TRHDE: variants seen among roughly 807,000 people sequenced by gnomAD.
TRHDE encodes the protein thyrotropin-releasing hormone-degrading ectoenzyme.
Under a neutral mutation model 125.7 loss-of-function variants are expected in TRHDE, and 72 were observed. That is an observed-to-expected ratio of 0.57 (90% confidence interval 0.47 to 0.70). The LOEUF is 0.70. Among genes scored for constraint, TRHDE ranks in the 30% least tolerant of loss-of-function variants. The pLI is 0.00. For missense variants in TRHDE, 1,110 were observed against 1,327.1 expected (o/e 0.84, Z 2.54); for synonymous variants, 509 against 509.1 (o/e 1.00, Z 0.00).
chr12:72,484,719 C>G (rs1170331328), intron 5 of TRHDE, among the ~76,000 whole-genome samples: 1 of 152,112 alleles, frequency 6.6e-6, no homozygotes, highest in African/African-American at 2.4e-5. Context: ...ATGTATGAAA[C>G]TATGTTGGAT....
chr12:72,214,016 A>G lies in TRHDE; in HGVS notation n.279+108264A>G, dbSNP rs1411829602. ...TCGTTGGTCAGTGCTACATAATTAG[A>G]TATTTATATTTTTAGGAAAGTTAAA... On this transcript the variant is annotated intron_variant and non_coding_transcript_variant, in intron 2 of 4. Transcript: ENST00000548156. Among the ~76,000 whole-genome samples, 3 of 152,144 alleles carry G rather than the reference A, an allele frequency of 2.0e-5. No homozygotes were observed. The East Asian group carries it at 5.8e-4, about 29-fold the overall frequency.
At chr12:72,354,610 T>C (rs1870729045) in intron 2 of TRHDE, among the ~76,000 whole-genome samples, 1 of 150,994 alleles carries the variant, frequency 6.6e-6, no homozygotes, top group Non-Finnish European at 1.5e-5. Context: ...TAGTGCCTGA[T>C]GCCCTTTTCC....
At chr12:72,387,399 G>A (rs1020355971) in intron 3 of TRHDE, among the ~76,000 whole-genome samples, 11 of 151,324 alleles carry the variant, frequency 7.3e-5, no homozygotes, top group Admixed American at 5.3e-4. Flanking sequence ...GCTAGTATTC[G>A]CATTCCAACC....
chr12:72,131,605 C>T (rs1875868312), intron 2 of TRHDE, among the ~76,000 whole-genome samples: 1 of 151,784 alleles, frequency 6.6e-6, no homozygotes, highest in Admixed American at 6.6e-5. Context: ...GGATTGTTTT[C>T]AGTTGTGCTA....
At chr12:72,501,338 C>T (rs1332117813) in intron 6 of TRHDE, among the ~76,000 whole-genome samples, 1 of 151,980 alleles carries the variant, frequency 6.6e-6, no homozygotes, top group Non-Finnish European at 1.5e-5. Flanking sequence ...TTTATAAATG[C>T]CTTTTATCAG....
At chr12:72,455,811 G>C (rs976066139) in intron 3 of TRHDE, among the ~76,000 whole-genome samples, 1 of 151,850 alleles carries the variant, frequency 6.6e-6, no homozygotes, top group South Asian at 2.1e-4. Context: ...TATTAAATTG[G>C]ACCTCTTGGG....
chr12:72,519,698 C>T (rs1879080111), intron 6 of TRHDE, among the ~76,000 whole-genome samples: 1 of 152,198 alleles, frequency 6.6e-6, no homozygotes. Flanking sequence ...GAACTGCGTT[C>T]CTTTGGAGGA....
At chr12:72,408,954 G>T (rs1310017441) in intron 3 of TRHDE, among the ~76,000 whole-genome samples, 3 of 152,282 alleles carry the variant, frequency 2.0e-5, no homozygotes, top group East Asian at 1.9e-4. Flanking sequence ...AGGATAGAAA[G>T]AATAGAGAGG....
intron 2 of TRHDE, among the ~76,000 whole-genome samples, chr12:72,374,468 A>AC (rs1443453669): frequency 6.6e-6 from 1 of 152,090 alleles, no homozygotes; most frequent in African/African-American, 2.4e-5. Flanking sequence ...CATCTACATG[A>AC]CATTTATGGC....
At chr12:72,407,408 A>G (rs1478506802) in intron 3 of TRHDE, among the ~76,000 whole-genome samples, 2 of 152,204 alleles carry the variant, frequency 1.3e-5, no homozygotes, top group Non-Finnish European at 2.9e-5. Flanking sequence ...TCACAGCAAG[A>G]GACGTGGAGC....
At chr12:72,131,894 G>A (rs746996300) in intron 2 of TRHDE, among the ~76,000 whole-genome samples, 4 of 152,198 alleles carry the variant, frequency 2.6e-5, no homozygotes, top group African/African-American at 4.8e-5. Flanking sequence ...CCTACAAGGA[G>A]GCAAGGCAAG....
chr12:72,175,549 A>G (rs1876968194), intron 2 of TRHDE, among the ~76,000 whole-genome samples: 1 of 152,198 alleles, frequency 6.6e-6, no homozygotes, highest in Non-Finnish European at 1.5e-5. Context: ...TCTACTCCTG[A>G]GTCCCGGCTG....
chr12:72,416,615 G>T (rs1401475319), intron 3 of TRHDE, among the ~76,000 whole-genome samples: 1 of 152,030 alleles, frequency 6.6e-6, no homozygotes, highest in Non-Finnish European at 1.5e-5. Flanking sequence ...AGGTTTTCCA[G>T]CACCATTTAT....
At chr12:72,635,522 C>T (rs1274758485) in intron 15 of TRHDE, among the ~76,000 whole-genome samples, 1 of 152,156 alleles carries the variant, frequency 6.6e-6, no homozygotes. Flanking sequence ...TCCCATTTGT[C>T]AATTGTGGCT....
intron 18 of TRHDE, among the ~76,000 whole-genome samples, chr12:72,661,945 GA>G (rs754874327): frequency 9.9e-5 from 15 of 152,156 alleles, no homozygotes; most frequent in Admixed American, 2.6e-4. Flanking sequence ...TAGGAAAGCA[GA>G]GTAAAAACTC....
chr12:72,319,530 G>A (rs1232927009), intron 2 of TRHDE, among the ~76,000 whole-genome samples: 1 of 152,130 alleles, frequency 6.6e-6, no homozygotes, highest in Admixed American at 6.6e-5. Context: ...CCTCAAAGGT[G>A]TGCTTTTCTA....
In TRHDE at chr12:72,294,519, C is replaced by T. The variant is rs566585957; in HGVS notation, c.1188+7565C>T. Among the ~76,000 whole-genome samples the T allele has an allele frequency of 2.0e-5, 3 of 152,198 alleles. No homozygotes were observed. The East Asian group carries it at 5.8e-4, about 30-fold the overall frequency. On this transcript the variant is annotated intron_variant, in intron 2 of 18. Transcript: ENST00000261180. Reference sequence around the variant, plus strand: ...GCAGAGGAGGACCTAGAGTGTGTTGCTCCTCTCTGCATCCAGTCGTCTGGA... The same window carrying T: ...GCAGAGGAGGACCTAGAGTGTGTTGTTCCTCTCTGCATCCAGTCGTCTGGA...
At chr12:72,323,390 A>G (rs967594310) in intron 2 of TRHDE, among the ~76,000 whole-genome samples, 3 of 152,152 alleles carry the variant, frequency 2.0e-5, no homozygotes, top group African/African-American at 7.2e-5. Context: ...TTCCAACAGA[A>G]TACACTTTAG....
At chr12:72,475,799 G>A (rs1207677387) in intron 5 of TRHDE, among the ~76,000 whole-genome samples, 1 of 152,054 alleles carries the variant, frequency 6.6e-6, no homozygotes, top group Non-Finnish European at 1.5e-5. Flanking sequence ...AATAATTACG[G>A]TGTCACAGAA....
Sources: gnomAD v4.1 joint callset for allele counts (sites outside exome capture counted in the v4.1 genomes callset) on GRCh38, gnomAD v4.1.1 for gene constraint, MANE v1.5 for transcripts, NCBI Gene and HGNC (gene_info 2026-07-23, HGNC 2026-07-21) for gene names.